STXBP4: variants seen among roughly 807,000 people sequenced by gnomAD.
STXBP4 encodes the protein syntaxin-binding protein 4.
In STXBP4, 55 loss-of-function variants were observed where a neutral mutation model predicts 76.1. The ratio of observed to expected loss-of-function variants is 0.72; its 90% CI spans 0.58 to 0.91. The LOEUF (loss-of-function observed/expected upper bound fraction) is 0.91. STXBP4 is among the 40% of genes least tolerant of loss of function. The probability of loss-of-function intolerance (pLI) is 0.00; values close to 1 mark genes in which losing one functional copy is unlikely to be tolerated. For synonymous variants in STXBP4, 201 were observed against 220.2 expected (o/e 0.91, Z 0.77); for missense variants, 618 against 636.9 (o/e 0.97, Z 0.32).
intron 10 of STXBP4, among the ~76,000 whole-genome samples, chr17:55,037,600 A>C (rs965995176): frequency 2.0e-5 from 3 of 152,142 alleles, no homozygotes; most frequent in Non-Finnish European, 4.4e-5. Context: ...CTGACATGTC[A>C]ATGATTTCCA....
chr17:55,090,752 T>G (rs892525555), intron 16 of STXBP4, among the ~76,000 whole-genome samples: 1 of 152,040 alleles, frequency 6.6e-6, no homozygotes, highest in African/African-American at 2.4e-5. Flanking sequence ...AGATTCATAG[T>G]GGACTTCAGG....
Position 55,031,242 on chromosome 17 carries a change from A to T in STXBP4, c.741A>T (p.Ser247=). 6.2e-7 allele frequency: 1 copy of T among 1,612,982 alleles called. No homozygotes were observed. Among genetic ancestry groups the T allele is most frequent in the Non-Finnish European group, 8.5e-7 (1 of 1,179,106 alleles). The stretch of plus-strand genomic sequence containing the variant: ...TGAGACAGCAAGTACAAGCAGACTC[A>T]AAAGGGACAGTGTCTTTTGGAGGTA... ...QALRQQVQAD[S]KGTVSFGDFV... Residue 247 remains serine (S), a synonymous_variant, in exon 9 of 18, where the codon TCA becomes TCT. Transcript: ENST00000376352.
chr17:55,184,654 G>A, the STXBP4 span, among the ~76,000 whole-genome samples: 1 of 152,176 alleles, frequency 6.6e-6, no homozygotes, highest in Non-Finnish European at 1.5e-5. Context: ...GTCTTCAAGT[G>A]TGTTAACATC....
chr17:55,028,102 T>A (rs1234126241), intron 8 of STXBP4, among the ~76,000 whole-genome samples: 1 of 152,134 alleles, frequency 6.6e-6, no homozygotes, highest in Non-Finnish European at 1.5e-5. Flanking sequence ...TGAAGCAAGA[T>A]AGTAGATATC....
chr17:55,057,718 G>C (rs776593899), intron 12 of STXBP4, among the ~76,000 whole-genome samples: 1 of 151,992 alleles, frequency 6.6e-6, no homozygotes, highest in Non-Finnish European at 1.5e-5. Flanking sequence ...TCCACCGCCC[G>C]ACAGGCCCCA....
chr17:54,986,566 C>T (rs1465686310), intron 3 of STXBP4, among the ~76,000 whole-genome samples: 1 of 152,040 alleles, frequency 6.6e-6, no homozygotes, highest in Non-Finnish European at 1.5e-5. Context: ...CTGTAGTATG[C>T]TATGATTGTA....
chr17:55,047,189 TG>T, intron 12 of STXBP4, 35 bp downstream of exon 12: 1 of 465,762 alleles, frequency 2.1e-6, no homozygotes, highest in Non-Finnish European at 3.4e-6. Context: ...TGTGCTCGTG[TG>T]TGTGTGTGTG....
chr17:55,141,269 A>G (rs1598345937), intron 16 of STXBP4, 41 bp from the exon 17 acceptor site: 8 of 1,519,814 alleles, frequency 5.3e-6, no homozygotes, highest in Non-Finnish European at 6.4e-6. Context: ...AGTTATCTTT[A>G]TCATCTTATT....
rs960774926 is a variant in STXBP4, at chr17:55,172,138, G to A, written c.*12227G>A. The A allele has an allele frequency of 6.6e-6, 1 of 152,228 alleles. No individual in the cohort carries two copies. The highest frequency in any genetic ancestry group is 2.4e-5 in the African/African-American group (1 of 41,438). 9.4% of individuals were successfully genotyped at this position (152,228 alleles called of 1,614,324 possible). A position where few individuals can be genotyped will look rare whatever the true frequency, so the allele number is the denominator to read the frequency against. On this transcript the variant is annotated 3_prime_UTR_variant, in exon 18 of 18. Transcript: ENST00000376352. The stretch of plus-strand genomic sequence containing the variant: ...ACTGTAGGTAAGGTTTGACTCATCT[G>A]GGTTAGTAGTAAGAACAAACTTCCA...
At chr17:55,062,335 C>T (rs1223873737) in intron 12 of STXBP4, among the ~76,000 whole-genome samples, 7 of 152,038 alleles carry the variant, frequency 4.6e-5, no homozygotes, top group Admixed American at 4.6e-4. Context: ...TAAGAACATG[C>T]AGTGTTTGGT....
intron 16 of STXBP4, among the ~76,000 whole-genome samples, chr17:55,133,744 T>A (rs530585618): frequency 6.6e-6 from 1 of 152,310 alleles, no homozygotes; most frequent in African/African-American, 2.4e-5. Flanking sequence ...CAGCATCACA[T>A]ACAGTCATAA....
At chr17:55,176,047 C>CTA (rs2080429067), downstream of STXBP4, among the ~76,000 whole-genome samples, 1 of 152,190 alleles carries the variant, frequency 6.6e-6, no homozygotes, top group African/African-American at 2.4e-5. Flanking sequence ...AGGAGGTCTG[C>CTA]TATCTGAGAA....
At position 55,078,771 on chromosome 17, in the gene STXBP4, T is replaced by G. The variant is rs755434268; in HGVS notation, c.1355+36T>G. The G allele has an allele frequency of 6.9e-6, 8 of 1,162,524 alleles. No individual in the cohort carries two copies. In the South Asian group the frequency reaches 7.6e-5, roughly 11 times the overall value. The allele number at this position is 1,162,524 out of a possible 1,614,324, so 72.0% of individuals were successfully genotyped here. A position where few individuals can be genotyped will look rare whatever the true frequency, so the allele number is the denominator to read the frequency against. On this transcript the variant is annotated intron_variant, in intron 15 of 17. Coordinates refer to ENST00000376352, the MANE Select transcript of STXBP4 (RefSeq NM_178509.6). ...TTAAGTGCTTTTTGCAGAATATGGG[T>G]AGTGATTAAATTCTTCATCTGGTCA...
intron 16 of STXBP4, among the ~76,000 whole-genome samples, chr17:55,097,984 G>T (rs1199874034): frequency 5.9e-5 from 9 of 152,116 alleles, no homozygotes; most frequent in Non-Finnish European, 1.3e-4. Flanking sequence ...CTCACATCTG[G>T]TAGGTACTTA....
chr17:55,115,741 A>G (rs554919427), intron 16 of STXBP4, among the ~76,000 whole-genome samples: 1 of 152,006 alleles, frequency 6.6e-6, no homozygotes, highest in Admixed American at 6.6e-5. Context: ...TCTTCCAGTA[A>G]TGAATCTGAA....
rs539184326 is a variant in STXBP4 at position 55,165,558 on chromosome 17, T to C, written c.*5647T>C. 12 of 152,358 alleles carry C rather than the reference T, an allele frequency of 7.9e-5. No homozygotes were observed. The highest frequency in any genetic ancestry group is 2.4e-4 in the African/African-American group (10 of 41,566). 9.4% of individuals were successfully genotyped at this position (152,358 alleles called of 1,614,324 possible). Reference sequence around the variant, plus strand: ...CTGAATGAGGATCTTTTCCATTCAATCCACATGTTCTCTCAATGGAAATCA... The same window carrying C: ...CTGAATGAGGATCTTTTCCATTCAACCCACATGTTCTCTCAATGGAAATCA... On this transcript the variant is annotated 3_prime_UTR_variant, in exon 18 of 18. Coordinates refer to ENST00000376352, the MANE Select transcript of STXBP4 (RefSeq NM_178509.6).
In STXBP4 at chr17:55,084,837, CTA is replaced by C. The variant is rs1251584732; in HGVS notation, c.1489+3658_1489+3659del. On this transcript the variant is annotated intron_variant, in intron 16 of 17. Coordinates refer to ENST00000376352, the MANE Select transcript of STXBP4 (RefSeq NM_178509.6). ...GAGGGCTCTGTTCTGTTCCATTGAT[CTA>C]TATCTCTGTTTTGGTACCAGTATAT... 2.6e-5 allele frequency among the ~76,000 whole-genome samples: 4 copies of C among 152,242 alleles called. No homozygotes were observed. The East Asian group carries it at 5.8e-4, about 22-fold the overall frequency.
intron 16 of STXBP4, among the ~76,000 whole-genome samples, chr17:55,136,096 G>A (rs2080025793): frequency 6.6e-6 from 1 of 152,122 alleles, no homozygotes; most frequent in Admixed American, 6.6e-5. Context: ...TCAAATTGTT[G>A]TGATGTACAA....
intron 16 of STXBP4, among the ~76,000 whole-genome samples, chr17:55,083,260 G>A (rs1243931939): frequency 6.6e-6 from 1 of 152,062 alleles, no homozygotes; most frequent in East Asian, 1.9e-4. Flanking sequence ...AAAGCCATGA[G>A]CCACCACACC....
Sources: gnomAD v4.1 joint callset for allele counts (sites outside exome capture counted in the v4.1 genomes callset) on GRCh38, gnomAD v4.1.1 for gene constraint, MANE v1.5 for transcripts, NCBI Gene and HGNC (gene_info 2026-07-23, HGNC 2026-07-21) for gene names.